SYNE1: variants seen among roughly 807,000 people sequenced by gnomAD.
SYNE1 encodes nesprin-1.
A neutral mutation model predicts 1,111.0 loss-of-function variants in SYNE1; 616 were observed. That is an observed-to-expected ratio of 0.55 (90% CI 0.52 to 0.59). SYNE1 has a LOEUF of 0.59. SYNE1 is among the 20% of genes least tolerant of loss of function. SYNE1 has a pLI of 0.00. For synonymous variants in SYNE1, 3,855 were observed against 3,825.8 expected (o/e 1.01, Z -0.28); for missense variants, 10,006 against 10,417.0 (o/e 0.96, Z 1.72).
intron 121 of SYNE1, among the ~76,000 whole-genome samples, chr6:152,215,965 A>G (rs1434660978): frequency 6.6e-6 from 1 of 152,238 alleles, no homozygotes; most frequent in Non-Finnish European, 1.5e-5. Flanking sequence ...GTGAGACTCA[A>G]TCAAAAGAGC....
In SYNE1 at chr6:152,135,248, T is replaced by C; in HGVS notation, c.25660-16A>G. 1 of 1,612,964 alleles carries C rather than the reference T, an allele frequency of 6.2e-7. No individual in the cohort carries two copies. The highest frequency in any genetic ancestry group is 8.5e-7 in the Non-Finnish European group (1 of 1,179,288). On this transcript the variant is annotated splice_polypyrimidine_tract_variant and intron_variant, in intron 141 of 145. Coordinates refer to ENST00000367255, the MANE Select transcript of SYNE1 (RefSeq NM_182961.4). The stretch of plus-strand genomic sequence containing the variant: ...CATGGAAACCCTACAGAAAACAGTT[T>C]AAAGTAACTGTAAATAAAATATTTT...
chr6:152,200,408 G>A (rs1033661317), intron 127 of SYNE1, among the ~76,000 whole-genome samples: 4 of 152,050 alleles, frequency 2.6e-5, no homozygotes, highest in African/African-American at 7.2e-5. Flanking sequence ...AATTTTTAAT[G>A]TATTTATTTT....
intron 4 of SYNE1, among the ~76,000 whole-genome samples, chr6:152,527,509 T>G (rs1031122486): frequency 6.6e-6 from 1 of 152,128 alleles, no homozygotes; most frequent in Non-Finnish European, 1.5e-5. Context: ...TTCATCAGAA[T>G]AAAAGAAGCC....
chr6:152,453,492 G>A, intron 25 of SYNE1, 94 bp downstream of exon 25: 1 of 1,592,176 alleles, frequency 6.3e-7, no homozygotes, highest in Non-Finnish European at 8.6e-7. Context: ...GACTTTCCAG[G>A]AATTTCTAAA....
intron 3 of SYNE1, among the ~76,000 whole-genome samples, chr6:152,573,322 T>TC (rs147968366): frequency 4.5e-4 from 55 of 121,824 alleles, no homozygotes; most frequent in South Asian, 5.6e-4. Flanking sequence ...CCTAATGCTA[T>TC]CCCCCCCCCT....
At chr6:152,326,196 A>C in intron 79 of SYNE1, 94 bp from the exon 80 acceptor site, 1 of 1,612,554 alleles carries the variant, frequency 6.2e-7, no homozygotes, top group East Asian at 2.2e-5. Context: ...TACTCAGGGA[A>C]AAATGAATTT....
At chr6:152,238,948 G>C (rs961754266) in intron 108 of SYNE1, among the ~76,000 whole-genome samples, 3 of 151,328 alleles carry the variant, frequency 2.0e-5, no homozygotes, top group Non-Finnish European at 4.4e-5. Flanking sequence ...GCCCAGGCTG[G>C]AGTGCAATGG....
intron 140 of SYNE1, among the ~76,000 whole-genome samples, chr6:152,137,130 A>G (rs2057277777): frequency 6.6e-6 from 1 of 152,240 alleles, no homozygotes; most frequent in Non-Finnish European, 1.5e-5. Flanking sequence ...TTTAAAGAAT[A>G]TATCTGAACA....
chr6:152,140,867 A>G (rs1249233038), intron 139 of SYNE1, among the ~76,000 whole-genome samples: 2 of 151,788 alleles, frequency 1.3e-5, no homozygotes, highest in Non-Finnish European at 2.9e-5. Flanking sequence ...CCCCACCTCT[A>G]CTAAAAATAC....
At chr6:152,475,362 C>T (rs896391445) in intron 14 of SYNE1, among the ~76,000 whole-genome samples, 3 of 152,314 alleles carry the variant, frequency 2.0e-5, no homozygotes, top group East Asian at 1.9e-4. Flanking sequence ...GCTTCACCGA[C>T]ATTAAATGTG....
intron 2 of SYNE1, among the ~76,000 whole-genome samples, chr6:152,634,249 C>A (rs1225096135): frequency 6.6e-6 from 1 of 152,096 alleles, no homozygotes; most frequent in Non-Finnish European, 1.5e-5. Context: ...TCATTTCTAA[C>A]CAAAAAGAAA....
At chr6:152,231,645 A>C (rs2082770081) in intron 113 of SYNE1, 78 bp from the exon 114 acceptor site, 1 of 1,424,110 alleles carries the variant, frequency 7.0e-7, no homozygotes, top group African/African-American at 1.4e-5. Flanking sequence ...GCCTTAAGTA[A>C]CCTTAATATT....
chr6:152,236,799 G>T lies in SYNE1; in HGVS notation c.20199+18C>A. 1 of 1,614,102 alleles carries T rather than the reference G, an allele frequency of 6.2e-7. No homozygotes were observed. Among genetic ancestry groups the T allele is most frequent in the Non-Finnish European group, 8.5e-7 (1 of 1,179,980 alleles). On this transcript the variant is annotated intron_variant, in intron 109 of 145. Coordinates refer to ENST00000367255, the MANE Select transcript of SYNE1 (RefSeq NM_182961.4). ...TTGGTAAGTTTCTAAAGGCAATGTG[G>T]CGGCTTGTAACACCAACCTGGTAGA...
At chr6:152,363,351 G>T (rs1028735847) in intron 63 of SYNE1, among the ~76,000 whole-genome samples, 9 of 148,884 alleles carry the variant, frequency 6.0e-5, no homozygotes, top group Non-Finnish European at 1.5e-5. Context: ...AAAATTAGCC[G>T]GGCATGGTGG....
At chr6:152,335,275 G>A (rs1450506469) in intron 76 of SYNE1, 2 of 152,092 alleles carry the variant, frequency 1.3e-5, no homozygotes, top group East Asian at 1.9e-4. Context: ...GTTAACAAGA[G>A]TATCATCTTG....
intron 3 of SYNE1, among the ~76,000 whole-genome samples, chr6:152,619,563 A>G: frequency 6.6e-6 from 1 of 152,200 alleles, no homozygotes; most frequent in Non-Finnish European, 1.5e-5. Flanking sequence ...TGATGAAAGC[A>G]AGGAAAATAG....
intron 66 of SYNE1, among the ~76,000 whole-genome samples, chr6:152,356,662 AC>A (rs2096844799): frequency 6.6e-6 from 1 of 152,064 alleles, no homozygotes; most frequent in Admixed American, 6.6e-5. Flanking sequence ...TGTACATGCT[AC>A]AGAACATCAG....
In SYNE1 at chr6:152,122,633, G is replaced by T. The variant is rs1388872329; in HGVS notation, c.26197C>A (p.Pro8733Thr). ...GSDSSLSEPG[P>T]GRSGRGFLFR... ...AGGAAGCCGCGGCCGGACCGACCTGGCCCTGGCTCAGAAAGGGAGGAATCG... is the reference window on the plus strand; with the variant it reads ...AGGAAGCCGCGGCCGGACCGACCTGTCCCTGGCTCAGAAAGGGAGGAATCG... Residue 8733 changes from proline to threonine, a missense_variant, in exon 146 of 146, where the codon CCA (proline) becomes ACA (threonine). Physicochemically the swap from Pro to Thr is conservative, Grantham distance 38. Around this residue, in one of 7 missense-constraint regions of SYNE1, gnomAD observed 761 missense variants for 795.5 expected, o/e 0.96. Coordinates refer to ENST00000367255, the MANE Select transcript of SYNE1 (RefSeq NM_182961.4). 1.2e-6 allele frequency: 2 copies of T among 1,614,126 alleles called. No individual in the cohort carries two copies. Among genetic ancestry groups the T allele is most frequent in the East Asian group, 2.2e-5 (1 of 44,874 alleles).
intron 56 of SYNE1, among the ~76,000 whole-genome samples, chr6:152,378,048 TC>T (rs1201181393): frequency 1.8e-4 from 27 of 152,162 alleles, no homozygotes; most frequent in African/African-American, 6.5e-4. Context: ...TGCTTTGCAC[TC>T]AGAGTGTTCC....
Sources: gnomAD v4.1 joint callset for allele counts (sites outside exome capture counted in the v4.1 genomes callset) on GRCh38, gnomAD v4.1.1 for gene constraint, gnomAD v4.1.1 regional missense constraint, MANE v1.5 for transcripts, NCBI Gene and HGNC (gene_info 2026-07-23, HGNC 2026-07-21) for gene names.